DTL: variants seen among roughly 807,000 people sequenced by gnomAD.
DTL encodes the protein denticleless E3 ubiquitin protein ligase adapter, also known as denticleless protein homolog.
DTL carries 46 observed loss-of-function variants against 87.0 expected under a neutral mutation model. The ratio of observed to expected loss-of-function variants is 0.53; its 90% confidence interval spans 0.42 to 0.68. The LOEUF (loss-of-function observed/expected upper bound fraction) is 0.68. Ranked by LOEUF, DTL falls within the 30% of genes least tolerant of loss-of-function variation. The pLI is 0.00. For synonymous variants in DTL, 308 were observed against 311.2 expected (o/e 0.99, Z 0.11); for missense variants, 737 against 869.4 (o/e 0.85, Z 1.91).
chr1:212,080,096 A>T (rs1654946776), intron 12 of DTL, among the ~76,000 whole-genome samples: 1 of 152,182 alleles, frequency 6.6e-6, no homozygotes, highest in Admixed American at 6.5e-5. Context: ...TCCTCTACCT[A>T]TCTGAAAAAG....
intron 13 of DTL, among the ~76,000 whole-genome samples, chr1:212,088,455 C>G (rs917860773): frequency 1.3e-5 from 2 of 152,176 alleles, no homozygotes; most frequent in Non-Finnish European, 2.9e-5. Context: ...GTCTAGGAGG[C>G]AGATTCAAAA....
intron 13 of DTL, among the ~76,000 whole-genome samples, chr1:212,085,118 G>A (rs553005713): frequency 2.0e-5 from 3 of 152,134 alleles, no homozygotes; most frequent in Non-Finnish European, 4.4e-5. Flanking sequence ...ATCTTTTTTC[G>A]TGTTTTTGTT....
chr1:212,054,863 C>T (rs1668118402), intron 5 of DTL, among the ~76,000 whole-genome samples: 1 of 144,798 alleles, frequency 6.9e-6, no homozygotes, highest in Non-Finnish European at 1.5e-5. Context: ...CCCCAAACAA[C>T]AGTTTCTATT....
At chr1:212,055,029 C>A (rs1385364450) in intron 5 of DTL, among the ~76,000 whole-genome samples, 2 of 152,138 alleles carry the variant, frequency 1.3e-5, no homozygotes, top group Non-Finnish European at 2.9e-5. Context: ...ATCTGGTACT[C>A]ACCTCTTTCA....
intron 13 of DTL, among the ~76,000 whole-genome samples, chr1:212,081,127 A>G (rs957176203): frequency 6.6e-6 from 1 of 152,236 alleles, no homozygotes; most frequent in African/African-American, 2.4e-5. Context: ...TCAAATAACA[A>G]TAAGGGCTTA....
At chr1:212,058,566 TTA>T (rs1245045599) in intron 5 of DTL, among the ~76,000 whole-genome samples, 3 of 152,018 alleles carry the variant, frequency 2.0e-5, no homozygotes, top group African/African-American at 4.8e-5. Flanking sequence ...AGAGGAAAGT[TTA>T]TAGCAATACA....
At chr1:212,038,030 T>C (rs913512504) in intron 1 of DTL, among the ~76,000 whole-genome samples, 3 of 152,170 alleles carry the variant, frequency 2.0e-5, no homozygotes, top group African/African-American at 7.2e-5. Flanking sequence ...TGGTACAAGG[T>C]GGAAACCAGC....
intron 11 of DTL, 107 bp downstream of exon 11, chr1:212,072,320 C>T: frequency 1.2e-6 from 1 of 813,266 alleles, no homozygotes; most frequent in Non-Finnish European, 2.0e-6. Context: ...TATACTATTC[C>T]TGCATCAGAT....
Position 212,100,385 on chromosome 1 carries a change from T to G in DTL, c.1395T>G (p.Pro465=). The G allele has an allele frequency of 6.2e-7, 1 of 1,613,944 alleles. No homozygotes were observed. The highest frequency in any genetic ancestry group is 8.5e-7 in the Non-Finnish European group (1 of 1,179,958). Residue 465 remains proline (P), a synonymous_variant, in exon 14 of 15, where the codon CCT becomes CCG. Transcript: ENST00000366991. ...AGDLPLPSNT[P]TFSIKTSPAK... ...ACCTCCCTCTTCCTTCAAATACTCC[T>G]ACGTTCTCTATTAAAACCTCTCCTG...
chr1:212,066,932 A>C, intron 8 of DTL, 47 bp downstream of exon 8: 2 of 1,491,614 alleles, frequency 1.3e-6, no homozygotes, highest in Non-Finnish European at 1.9e-6. Flanking sequence ...TTTTTATGAG[A>C]TTGTGATGAG....
At position 212,086,748 on chromosome 1, in the gene DTL, T is replaced by C. The variant is rs571400561; in HGVS notation, c.1261+5998T>C. Among the ~76,000 whole-genome samples, 308 of 152,376 alleles carry C rather than the reference T, an allele frequency of 2.0e-3. 4 individuals are homozygous for C. The highest frequency in any genetic ancestry group is 7.2e-3 in the African/African-American group (298 of 41,594). On this transcript the variant is annotated intron_variant, in intron 13 of 14. Coordinates refer to ENST00000366991, the MANE Select transcript of DTL (RefSeq NM_016448.4). ...ATTTCAAATACTACACTTGAGTAAATGTTCCATAATTTACCTAGCTATTCT... is the reference window on the plus strand; with the variant it reads ...ATTTCAAATACTACACTTGAGTAAACGTTCCATAATTTACCTAGCTATTCT...
At chr1:212,094,413 GTATT>G (rs767543411) in intron 13 of DTL, among the ~76,000 whole-genome samples, 1 of 152,152 alleles carries the variant, frequency 6.6e-6, no homozygotes, top group Non-Finnish European at 1.5e-5. Flanking sequence ...TTGTCTGTAA[GTATT>G]TAGTTTTATT....
chr1:212,044,799 A>AG (rs752294006), intron 3 of DTL, 41 bp downstream of exon 3: 1 of 1,131,648 alleles, frequency 8.8e-7, no homozygotes. Flanking sequence ...CATTTAAAAA[A>AG]CTTTACACAT....
chr1:212,085,170 G>T (rs1459394362), intron 13 of DTL, among the ~76,000 whole-genome samples: 3 of 152,090 alleles, frequency 2.0e-5, no homozygotes, highest in Non-Finnish European at 4.4e-5. Flanking sequence ...CATGGCTGTG[G>T]AACCCAGTAT....
At chr1:212,037,883 C>T (rs967373450) in intron 1 of DTL, among the ~76,000 whole-genome samples, 2 of 152,140 alleles carry the variant, frequency 1.3e-5, no homozygotes, top group Non-Finnish European at 2.9e-5. Context: ...CATACCAAAT[C>T]GTTTATTGTC....
chr1:212,050,727 T>C (rs1012165555), intron 5 of DTL, among the ~76,000 whole-genome samples: 11 of 24,874 alleles, frequency 4.4e-4, no homozygotes, highest in Non-Finnish European at 1.4e-3. Flanking sequence ...TAGGAGAAGA[T>C]ATTTGGCCTA....
chr1:212,092,910 C>T (rs530496351), intron 13 of DTL, among the ~76,000 whole-genome samples: 9 of 152,044 alleles, frequency 5.9e-5, no homozygotes, highest in African/African-American at 2.2e-4. Flanking sequence ...CCCTTTCCAC[C>T]ACATCCACCC....
intron 10 of DTL, among the ~76,000 whole-genome samples, chr1:212,070,298 T>C (rs1279975028): frequency 6.6e-6 from 1 of 152,148 alleles, no homozygotes; most frequent in Non-Finnish European, 1.5e-5. Context: ...GATAGGTAGA[T>C]AGGTTAATAG....
intron 12 of DTL, among the ~76,000 whole-genome samples, chr1:212,079,565 C>T (rs1470678686): frequency 1.3e-5 from 2 of 152,106 alleles, no homozygotes; most frequent in South Asian, 2.1e-4. Context: ...TAAATTCTAG[C>T]TCTTCCATTT....
Sources: gnomAD v4.1 joint callset for allele counts (sites outside exome capture counted in the v4.1 genomes callset) on GRCh38, gnomAD v4.1.1 for gene constraint, MANE v1.5 for transcripts, NCBI Gene and HGNC (gene_info 2026-07-23, HGNC 2026-07-21) for gene names.